Variants in PRKCB observed in about 807,000 individuals in gnomAD.
The protein encoded by PRKCB is protein kinase C beta, also known as protein kinase C beta type.
PRKCB carries 13 observed loss-of-function variants against 81.5 expected under a neutral mutation model. The ratio of observed to expected loss-of-function variants is 0.16; its 90% CI spans 0.10 to 0.25. The LOEUF (loss-of-function observed/expected upper bound fraction) is 0.25. PRKCB is among the 10% of genes least tolerant of loss of function. The pLI is 1.00. For missense variants in PRKCB, 509 were observed against 875.7 expected (o/e 0.58, Z 5.29); for synonymous variants, 335 against 321.4 (o/e 1.04, Z -0.45).
intron 5 of PRKCB, among the ~76,000 whole-genome samples, chr16:24,036,753 G>GC: frequency 6.6e-6 from 1 of 152,126 alleles, no homozygotes; most frequent in Non-Finnish European, 1.5e-5. Flanking sequence ...ATGCTTGGGG[G>GC]CCCCAGGGGA....
At chr16:24,191,412 C>A in intron 16 of PRKCB, 182 bp downstream of exon 16, 2 of 627,134 alleles carry the variant, frequency 3.2e-6, no homozygotes, top group African/African-American at 1.8e-5. Flanking sequence ...TCCATTGGCC[C>A]AGCTTAGTCT....
intron 9 of PRKCB, among the ~76,000 whole-genome samples, chr16:24,125,282 T>C (rs1194452223): frequency 6.6e-6 from 1 of 152,046 alleles, no homozygotes; most frequent in Non-Finnish European, 1.5e-5. Flanking sequence ...CAATTCTATG[T>C]TACATCCTTA....
At chr16:23,964,050 A>G (rs539170206) in intron 2 of PRKCB, among the ~76,000 whole-genome samples, 5 of 152,326 alleles carry the variant, frequency 3.3e-5, no homozygotes, top group African/African-American at 1.2e-4. Context: ...GGTATGAAGC[A>G]TCTATAACCC....
intron 2 of PRKCB, among the ~76,000 whole-genome samples, chr16:23,843,688 C>A (rs951294008): frequency 1.3e-5 from 2 of 149,060 alleles, no homozygotes; most frequent in Non-Finnish European, 3.0e-5. Context: ...TATATAGATT[C>A]TTAGGATATA....
Position 24,094,177 on chromosome 16 carries a change from C to T in PRKCB, c.701C>T (p.Ser234Leu), listed in dbSNP as rs770589472. The change falls in exon 7 of 17, where the codon TCG (serine) becomes TTG (leucine). Residue 234 changes from serine (S) to leucine (L), a missense_variant. Ser to Leu is a moderately radical substitution (Grantham distance 145). Coordinates refer to ENST00000643927, the MANE Select transcript of PRKCB (RefSeq NM_002738.7). ...NETFRFQLKE[S>L]DKDRRLSVEI... ...TCTCTATGCAGTCAGCTGAAAGAAT[C>T]GGACAAAGACAGAAGACTGTCAGTA... 1.1e-5 allele frequency: 18 copies of T among 1,613,526 alleles called. No individual in the cohort carries two copies. Among genetic ancestry groups the T allele is most frequent in the South Asian group, 3.3e-5 (3 of 91,006 alleles).
intron 7 of PRKCB, among the ~76,000 whole-genome samples, chr16:24,100,695 A>G (rs1017891125): frequency 2.6e-5 from 4 of 152,180 alleles, no homozygotes; most frequent in East Asian, 1.9e-4. Flanking sequence ...CAATCACCCA[A>G]TGAGTTCATC....
At chr16:23,836,486 C>T (rs988534218) in intron 1 of PRKCB, 138 bp downstream of exon 1, 6 of 1,327,216 alleles carry the variant, frequency 4.5e-6, no homozygotes, top group African/African-American at 3.1e-5. Flanking sequence ...GGCTCCGGAC[C>T]CTGCTGCCCG....
intron 5 of PRKCB, among the ~76,000 whole-genome samples, chr16:24,045,970 G>A (rs1965758697): frequency 6.6e-6 from 1 of 152,226 alleles, no homozygotes; most frequent in South Asian, 2.1e-4. Context: ...ATGAAGCTCG[G>A]GTGTCAGTCC....
intron 16 of PRKCB, chr16:24,208,578 T>C (rs1238757453): frequency 6.6e-6 from 1 of 152,218 alleles, no homozygotes; most frequent in African/African-American, 2.4e-5. Flanking sequence ...AGGAGCCCCA[T>C]TGATGTACCC....
intron 5 of PRKCB, among the ~76,000 whole-genome samples, chr16:24,043,132 C>G (rs994697859): frequency 4.6e-5 from 7 of 152,156 alleles, no homozygotes; most frequent in African/African-American, 1.7e-4. Flanking sequence ...GTCACAGCTG[C>G]TGTTGAGGAT....
At chr16:24,133,421 G>A (rs1386809867) in intron 9 of PRKCB, among the ~76,000 whole-genome samples, 1 of 152,198 alleles carries the variant, frequency 6.6e-6, no homozygotes, top group Non-Finnish European at 1.5e-5. Context: ...GGGCCCATGA[G>A]AATGGCTTTC....
chr16:24,089,717 G>A (rs982246812), intron 5 of PRKCB, among the ~76,000 whole-genome samples: 2 of 152,104 alleles, frequency 1.3e-5, no homozygotes, highest in African/African-American at 4.8e-5. Flanking sequence ...CGAGGCTGCA[G>A]TGAACCATGA....
At chr16:24,099,081 G>A (rs1368101631) in intron 7 of PRKCB, 1 of 152,120 alleles carries the variant, frequency 6.6e-6, no homozygotes, top group Non-Finnish European at 1.5e-5. Flanking sequence ...GTGACAGGAG[G>A]AAACATAATA....
Position 24,218,564 on chromosome 16 carries a change from G to A in PRKCB, c.*3748G>A, listed in dbSNP as rs2239339. 1 of 985,206 alleles carries A rather than the reference G, an allele frequency of 1.0e-6. No individual in the cohort carries two copies. Among genetic ancestry groups the A allele is most frequent in the Non-Finnish European group, 1.2e-6 (1 of 829,942 alleles). The allele number at this position is 985,206 out of a possible 1,614,324, so 61.0% of individuals were successfully genotyped here. ...GCAAGAGTAAGGAGGGAACTCCATA[G>A]AGACATTTTACCTATCTCAGGGGAG... is the stretch of plus-strand genomic sequence containing the variant. On this transcript the variant is annotated 3_prime_UTR_variant, in exon 17 of 17. Transcript: ENST00000643927.
chr16:23,942,065 G>A (rs1964146417), intron 2 of PRKCB, among the ~76,000 whole-genome samples: 1 of 152,200 alleles, frequency 6.6e-6, no homozygotes, highest in African/African-American at 2.4e-5. Context: ...TACAAAACAT[G>A]TCAACCAAAA....
At chr16:24,035,581 C>A in intron 5 of PRKCB, 34 bp downstream of exon 5, 1 of 1,355,216 alleles carries the variant, frequency 7.4e-7, no homozygotes. Context: ...GGCTCCTGAC[C>A]TTGCTTGACC....
intron 5 of PRKCB, among the ~76,000 whole-genome samples, chr16:24,038,333 T>C (rs999720901): frequency 4.6e-5 from 7 of 152,216 alleles, no homozygotes; most frequent in Admixed American, 3.9e-4. Context: ...GACCCTGGCA[T>C]ATTGTAGGAT....
chr16:23,908,696 T>A (rs1311441280), intron 2 of PRKCB, among the ~76,000 whole-genome samples: 1 of 151,998 alleles, frequency 6.6e-6, no homozygotes, highest in Non-Finnish European at 1.5e-5. Flanking sequence ...CAGCTAATTT[T>A]TTTTTTTGTA....
At chr16:24,046,397 G>A (rs1223436343) in intron 5 of PRKCB, among the ~76,000 whole-genome samples, 1 of 152,190 alleles carries the variant, frequency 6.6e-6, no homozygotes, top group East Asian at 1.9e-4. Flanking sequence ...TCTAATGATG[G>A]GAGATGAAGA....
Sources: allele counts gnomAD v4.1 joint callset (sites outside exome capture counted in the v4.1 genomes callset), GRCh38; gene constraint gnomAD v4.1.1; transcripts MANE v1.5; gene names NCBI Gene and HGNC (gene_info 2026-07-23, HGNC 2026-07-21).